CSMD1: variants seen among roughly 807,000 people sequenced by gnomAD.
The protein encoded by CSMD1 is CUB and sushi domain-containing protein 1.
In CSMD1, 213 loss-of-function variants were observed where a neutral mutation model predicts 417.5. That is an observed-to-expected ratio of 0.51 (90% CI 0.46 to 0.57). The LOEUF is 0.57. CSMD1 is among the 20% of genes least tolerant of loss of function. The pLI is 0.00. For synonymous variants in CSMD1, 2,862 were observed against 1,736.8 expected (o/e 1.65, Z -16.11); for missense variants, 6,923 against 4,529.7 (o/e 1.53, Z -15.17).
At chr8:4,681,519 G>C (rs922576895) in intron 1 of CSMD1, among the ~76,000 whole-genome samples, 1 of 152,150 alleles carries the variant, frequency 6.6e-6, no homozygotes, top group Admixed American at 6.5e-5. Context: ...GGTAAGCCAA[G>C]ATCTTTCCTT....
At chr8:4,343,964 A>G (rs941276623) in intron 3 of CSMD1, among the ~76,000 whole-genome samples, 3 of 152,172 alleles carry the variant, frequency 2.0e-5, no homozygotes, top group African/African-American at 7.2e-5. Context: ...TTTCATATAT[A>G]CAATAAATTC....
intron 11 of CSMD1, among the ~76,000 whole-genome samples, chr8:3,486,743 C>T (rs944147583): frequency 6.6e-6 from 1 of 152,212 alleles, no homozygotes; most frequent in African/African-American, 2.4e-5. Flanking sequence ...CAAGACACAT[C>T]CAATGGGTCC....
intron 2 of CSMD1, among the ~76,000 whole-genome samples, chr8:4,449,792 T>C (rs1799024312): frequency 6.6e-6 from 1 of 151,952 alleles, no homozygotes; most frequent in East Asian, 1.9e-4. Context: ...TTGGGCATTT[T>C]TACATAACAG....
At chr8:3,896,640 T>G (rs1031396214) in intron 5 of CSMD1, among the ~76,000 whole-genome samples, 2 of 152,038 alleles carry the variant, frequency 1.3e-5, no homozygotes, top group African/African-American at 4.8e-5. Context: ...GCCTCCCGAG[T>G]AGCTGGGACT....
intron 2 of CSMD1, among the ~76,000 whole-genome samples, chr8:4,627,842 T>C (rs1032392088): frequency 6.6e-6 from 1 of 152,178 alleles, no homozygotes; most frequent in Non-Finnish European, 1.5e-5. Context: ...GATATTGCTA[T>C]AAATCAAAGG....
intron 41 of CSMD1, among the ~76,000 whole-genome samples, chr8:3,122,938 C>A (rs1195007978): frequency 6.6e-6 from 1 of 152,142 alleles, no homozygotes; most frequent in East Asian, 1.9e-4. Context: ...CTGTTGGAAT[C>A]TTTTACATCA....
chr8:4,204,776 T>G (rs1448050583), intron 3 of CSMD1, among the ~76,000 whole-genome samples: 4 of 152,120 alleles, frequency 2.6e-5, no homozygotes. Flanking sequence ...TGCCTCAGCC[T>G]CCTGAGTAGC....
intron 49 of CSMD1, among the ~76,000 whole-genome samples, chr8:3,063,494 T>G (rs1260923948): frequency 1.3e-5 from 2 of 152,252 alleles, no homozygotes; most frequent in Non-Finnish European, 2.9e-5. Context: ...ATTGCACTTC[T>G]GGCTAAATAC....
chr8:4,208,365 G>C (rs553660926), intron 3 of CSMD1, among the ~76,000 whole-genome samples: 3 of 152,254 alleles, frequency 2.0e-5, no homozygotes, highest in African/African-American at 7.2e-5. Flanking sequence ...TAAGAGGGAA[G>C]CATTTCCCCA....
intron 5 of CSMD1, among the ~76,000 whole-genome samples, chr8:3,931,723 A>T (rs538847640): frequency 6.7e-6 from 1 of 149,230 alleles, no homozygotes; most frequent in South Asian, 2.2e-4. Context: ...CAGCATTACA[A>T]GGCTTTAATC....
At chr8:3,155,233 G>C (rs978413026) in intron 39 of CSMD1, among the ~76,000 whole-genome samples, 18 of 151,928 alleles carry the variant, frequency 1.2e-4, no homozygotes, top group African/African-American at 4.1e-4. Flanking sequence ...TTCAATTCCT[G>C]ACTTTTAGGG....
chr8:3,679,214 G>C (rs1280142131), intron 7 of CSMD1, among the ~76,000 whole-genome samples: 1 of 152,130 alleles, frequency 6.6e-6, no homozygotes, highest in Non-Finnish European at 1.5e-5. Flanking sequence ...TGGGCTAAAT[G>C]CTCCAATTAC....
chr8:3,905,976 T>C (rs1186393330), intron 5 of CSMD1, among the ~76,000 whole-genome samples: 1 of 152,208 alleles, frequency 6.6e-6, no homozygotes, highest in African/African-American at 2.4e-5. Context: ...ATCAAACCTG[T>C]TCTTTTACCA....
intron 2 of CSMD1, among the ~76,000 whole-genome samples, chr8:4,490,500 T>A (rs991677359): frequency 2.0e-5 from 3 of 152,366 alleles, no homozygotes; most frequent in Non-Finnish European, 4.4e-5. Flanking sequence ...ACATATTTAT[T>A]CATCACATTT....
intron 3 of CSMD1, among the ~76,000 whole-genome samples, chr8:4,348,569 ATCTGTGTGTGTGTATGCATGTGTGTG>A (rs1471928426): frequency 4.5e-5 from 6 of 133,042 alleles, no homozygotes; most frequent in African/African-American, 1.6e-4. Context: ...ACATGTGTGC[ATCTGTGTGTGTGTATGCATGTGTGTG>A]TGCGTGGGTG....
intron 3 of CSMD1, among the ~76,000 whole-genome samples, chr8:4,408,064 A>G (rs1178798088): frequency 6.6e-6 from 1 of 152,136 alleles, no homozygotes; most frequent in Non-Finnish European, 1.5e-5. Flanking sequence ...TTTCCATTCC[A>G]TTATTCTAAT....
intron 1 of CSMD1, among the ~76,000 whole-genome samples, chr8:4,747,589 C>A (rs1811039529): frequency 6.6e-6 from 1 of 152,176 alleles, no homozygotes; most frequent in African/African-American, 2.4e-5. Context: ...GCTAAATACA[C>A]TGAATGTTGT....
chr8:3,567,061 T>C (rs993914910), intron 10 of CSMD1, among the ~76,000 whole-genome samples: 12 of 152,208 alleles, frequency 7.9e-5, no homozygotes, highest in African/African-American at 2.9e-4. Flanking sequence ...TAAAGAAAAT[T>C]GGTACATGTA....
At chr8:3,062,450 G>A (rs865805092) in intron 49 of CSMD1, among the ~76,000 whole-genome samples, 2 of 152,010 alleles carry the variant, frequency 1.3e-5, no homozygotes, top group South Asian at 2.1e-4. Context: ...TTGTTTGAAA[G>A]GATAAAGAAA....
Sources: allele counts gnomAD v4.1 joint callset (sites outside exome capture counted in the v4.1 genomes callset), GRCh38; gene constraint gnomAD v4.1.1; transcripts MANE v1.5; gene names NCBI Gene and HGNC (gene_info 2026-07-23, HGNC 2026-07-21).